The following GABRA2 variants were observed in gnomAD, a reference collection of about 807,000 sequenced individuals.
GABRA2 encodes gamma-aminobutyric acid type A receptor subunit alpha2, also known as gamma-aminobutyric acid receptor subunit alpha-2.
Under a neutral mutation model 48.7 loss-of-function variants are expected in GABRA2, and 16 were observed. That is an observed-to-expected ratio of 0.33 (90% CI 0.22 to 0.50). GABRA2 has a LOEUF of 0.50. Ranked by LOEUF, GABRA2 falls within the 20% of genes least tolerant of loss-of-function variation. The pLI, the probability that GABRA2 is intolerant of heterozygous loss-of-function variation, is 0.98. For missense variants in GABRA2, 275 were observed against 535.6 expected (o/e 0.51, Z 4.80); for synonymous variants, 185 against 184.5 (o/e 1.00, Z -0.02).
At chr4:46,253,775 G>A (rs1289870352) in intron 9 of GABRA2, among the ~76,000 whole-genome samples, 1 of 151,406 alleles carries the variant, frequency 6.6e-6, no homozygotes, top group Admixed American at 6.6e-5. Flanking sequence ...ATGAAGGGCA[G>A]GGCAATCCTA....
At chr4:46,284,836 T>A (rs1296790138) in intron 8 of GABRA2, among the ~76,000 whole-genome samples, 1 of 151,994 alleles carries the variant, frequency 6.6e-6, no homozygotes, top group Admixed American at 6.5e-5. Context: ...GAGTAGTATT[T>A]TTTTTATTAA....
intron 3 of GABRA2, among the ~76,000 whole-genome samples, chr4:46,372,875 T>C (rs1006671769): frequency 3.9e-5 from 6 of 152,206 alleles, no homozygotes; most frequent in Non-Finnish European, 5.9e-5. Flanking sequence ...CCACAAACTG[T>C]TCCCTAAACG....
intron 9 of GABRA2, among the ~76,000 whole-genome samples, chr4:46,259,010 A>T (rs1716418989): frequency 6.6e-6 from 1 of 151,928 alleles, no homozygotes; most frequent in Non-Finnish European, 1.5e-5. Context: ...GTGGCATAGG[A>T]TTAGAAAGTT....
chr4:46,356,977 G>GT (rs1333588006), intron 3 of GABRA2, among the ~76,000 whole-genome samples: 3 of 150,738 alleles, frequency 2.0e-5, no homozygotes, highest in Non-Finnish European at 4.4e-5. Context: ...TGTTTTCTGG[G>GT]TTTGTTTTTT....
intron 7 of GABRA2, among the ~76,000 whole-genome samples, chr4:46,304,174 G>T (rs1726229550): frequency 6.6e-6 from 1 of 152,008 alleles, no homozygotes; most frequent in Non-Finnish European, 1.5e-5. Context: ...ACTTGGTTAG[G>T]CCCTTCATTC....
At chr4:46,382,463 A>G (rs533437895) in intron 3 of GABRA2, among the ~76,000 whole-genome samples, 1 of 152,152 alleles carries the variant, frequency 6.6e-6, no homozygotes, top group East Asian at 1.9e-4. Flanking sequence ...GTGTGAGGTG[A>G]GGTTAAAGAA....
At chr4:46,293,670 G>A (rs561221342) in intron 8 of GABRA2, among the ~76,000 whole-genome samples, 2 of 152,296 alleles carry the variant, frequency 1.3e-5, no homozygotes, top group African/African-American at 2.4e-5. Flanking sequence ...TCCCTGACTG[G>A]TAGGGTGAAC....
At chr4:46,319,600 G>A (rs1033883596) in intron 4 of GABRA2, among the ~76,000 whole-genome samples, 18 of 151,706 alleles carry the variant, frequency 1.2e-4, no homozygotes, top group African/African-American at 4.4e-4. Context: ...GAACAGATCA[G>A]CAAAGGGCCA....
At chr4:46,342,653 T>A (rs1426993936) in intron 3 of GABRA2, among the ~76,000 whole-genome samples, 4 of 152,012 alleles carry the variant, frequency 2.6e-5, no homozygotes, top group Non-Finnish European at 5.9e-5. Context: ...CTTACTGTTT[T>A]ATTTTATTTT....
intron 4 of GABRA2, among the ~76,000 whole-genome samples, chr4:46,317,465 G>A (rs1435026675): frequency 1.3e-5 from 2 of 151,756 alleles, no homozygotes; most frequent in Non-Finnish European, 2.9e-5. Flanking sequence ...ATGTAAATAA[G>A]TAAATTAAGG....
chr4:46,369,099 G>T (rs1714493418), intron 3 of GABRA2: 4 of 668,238 alleles, frequency 6.0e-6, no homozygotes, highest in African/African-American at 5.3e-5. Context: ...ATGGGAAATA[G>T]GGTAGGGCTA....
At chr4:46,376,666 C>G (rs1415310779) in intron 3 of GABRA2, among the ~76,000 whole-genome samples, 1 of 152,100 alleles carries the variant, frequency 6.6e-6, no homozygotes, top group Non-Finnish European at 1.5e-5. Context: ...GTGGGAGGAT[C>G]ACTTGAAGCC....
At chr4:46,299,676 T>C (rs1378512806) in intron 8 of GABRA2, among the ~76,000 whole-genome samples, 1 of 35,094 alleles carries the variant, frequency 2.8e-5, no homozygotes, top group Non-Finnish European at 5.2e-5. Flanking sequence ...GGTTTCTTTC[T>C]TTTTTTTTTT....
Position 46,334,400 on chromosome 4 carries a change from C to G in GABRA2, c.188-1718G>C, listed in dbSNP as rs77120054. 5.7e-3 allele frequency among the ~76,000 whole-genome samples: 874 copies of G among 152,228 alleles called. 7 individuals carry two copies. Among genetic ancestry groups the G allele is most frequent in the African/African-American group, 0.02 (828 of 41,556 alleles). On this transcript the variant is annotated intron_variant, in intron 3 of 9. Transcript: ENST00000381620. ...TTTTACCCACACCAAATTAATCACA[C>G]TATTACATTTATTCAATTAGTAACT...
chr4:46,378,058 C>A, intron 3 of GABRA2, among the ~76,000 whole-genome samples: 1 of 152,014 alleles, frequency 6.6e-6, no homozygotes, highest in Non-Finnish European at 1.5e-5. Flanking sequence ...CCCCACCCGG[C>A]CAGCCGCCCC....
chr4:46,375,658 C>T (rs1246024391), intron 3 of GABRA2, among the ~76,000 whole-genome samples: 1 of 152,146 alleles, frequency 6.6e-6, no homozygotes, highest in African/African-American at 2.4e-5. Flanking sequence ...AGAAATCACT[C>T]TTCCCTTTAT....
intron 8 of GABRA2, among the ~76,000 whole-genome samples, chr4:46,297,003 T>C (rs137987336): frequency 3.3e-4 from 50 of 152,318 alleles, no homozygotes; most frequent in African/African-American, 1.2e-3. Context: ...TAGGTGTAAT[T>C]ATGACCTTAT....
intron 9 of GABRA2, among the ~76,000 whole-genome samples, chr4:46,251,375 G>C (rs1714719603): frequency 6.6e-6 from 1 of 151,364 alleles, no homozygotes; most frequent in South Asian, 2.1e-4. Flanking sequence ...ATATTTCATG[G>C]AACTTAGAAT....
chr4:46,360,488 C>T (rs1713003991), intron 3 of GABRA2, among the ~76,000 whole-genome samples: 1 of 152,230 alleles, frequency 6.6e-6, no homozygotes, highest in African/African-American at 2.4e-5. Flanking sequence ...TTGCCTGTCA[C>T]CATGATTGTG....
Sources: gnomAD v4.1 joint callset for allele counts (sites outside exome capture counted in the v4.1 genomes callset) on GRCh38, gnomAD v4.1.1 for gene constraint, MANE v1.5 for transcripts, NCBI Gene and HGNC (gene_info 2026-07-23, HGNC 2026-07-21) for gene names.